The following FGFR2 variants were observed in gnomAD, a reference collection of about 807,000 sequenced individuals.
FGFR2 encodes BEK fibroblast growth factor receptor.
A neutral mutation model predicts 95.9 loss-of-function variants in FGFR2; 19 were observed. That is an observed-to-expected ratio of 0.20 (90% CI 0.14 to 0.29). The LOEUF is 0.29. Among genes scored for constraint, FGFR2 ranks in the 10% least tolerant of loss-of-function variants. FGFR2 has a pLI of 1.00. For missense variants in FGFR2, 707 were observed against 1,056.9 expected (o/e 0.67, Z 4.59); for synonymous variants, 392 against 393.3 (o/e 1.00, Z 0.04).
chr10:121,497,629 T>C (rs958864219), intron 12 of FGFR2, among the ~76,000 whole-genome samples: 1 of 152,208 alleles, frequency 6.6e-6, no homozygotes, highest in African/African-American at 2.4e-5. Context: ...TCTGTACATG[T>C]TCCCTTACAC....
chr10:121,497,535 C>T (rs1038231114), intron 12 of FGFR2, among the ~76,000 whole-genome samples: 2 of 152,208 alleles, frequency 1.3e-5, no homozygotes, highest in African/African-American at 4.8e-5. Context: ...TATAAACACA[C>T]CACACTTTAT....
intron 2 of FGFR2, among the ~76,000 whole-genome samples, chr10:121,570,026 G>T (rs1401849255): frequency 6.6e-6 from 1 of 152,332 alleles, no homozygotes; most frequent in African/African-American, 2.4e-5. Context: ...ATACGCTGGG[G>T]AGGGGCCAAA....
intron 5 of FGFR2, among the ~76,000 whole-genome samples, chr10:121,549,885 C>G (rs1206859095): frequency 6.6e-6 from 1 of 152,186 alleles, no homozygotes; most frequent in Non-Finnish European, 1.5e-5. Flanking sequence ...CCAGCTAAGC[C>G]ACACCTTCAT....
chr10:121,570,132 AG>A (rs1858397754), intron 2 of FGFR2, among the ~76,000 whole-genome samples: 1 of 137,520 alleles, frequency 7.3e-6, no homozygotes, highest in Non-Finnish European at 1.7e-5. Flanking sequence ...AACCCCGGCC[AG>A]GGGGCCAAGA....
chr10:121,483,691 T>C lies in FGFR2; in HGVS notation c.2301+7A>G, dbSNP rs1845050468. The C allele has an allele frequency of 6.2e-7, 1 of 1,608,040 alleles. No individual in the cohort carries two copies. Among genetic ancestry groups the C allele is most frequent in the Admixed American group, 1.7e-5 (1 of 59,964 alleles). On this transcript the variant is annotated splice_region_variant and intron_variant, in intron 17 of 17. Transcript: ENST00000358487. The stretch of plus-strand genomic sequence containing the variant: ...AGGACAAGGGGCTTCTAGAAGGAAG[T>C]TCTTACCTCATTGGTTGTGAGAGTG...
At chr10:121,578,622 T>C (rs1860319268) in intron 2 of FGFR2, among the ~76,000 whole-genome samples, 1 of 152,230 alleles carries the variant, frequency 6.6e-6, no homozygotes, top group Admixed American at 6.5e-5. Flanking sequence ...CCAAAGATGC[T>C]GGGTCAGCTG....
intron 5 of FGFR2, among the ~76,000 whole-genome samples, chr10:121,550,663 G>A (rs1456194016): frequency 3.3e-5 from 5 of 152,010 alleles, no homozygotes; most frequent in Non-Finnish European, 5.9e-5. Context: ...CTATACTGAC[G>A]CTTCTCAAAC....
intron 5 of FGFR2, among the ~76,000 whole-genome samples, chr10:121,549,752 C>T (rs74160623): frequency 2.6e-5 from 4 of 152,276 alleles, no homozygotes; most frequent in African/African-American, 7.2e-5. Context: ...AGGCCCTCTG[C>T]AAGGAAGTGA....
chr10:121,487,759 C>T (rs1845609116), intron 14 of FGFR2, among the ~76,000 whole-genome samples: 1 of 152,156 alleles, frequency 6.6e-6, no homozygotes, highest in Admixed American at 6.6e-5. Context: ...AAAATCCTAG[C>T]GGTTGCTGAT....
chr10:121,553,658 A>G (rs1589963949), intron 4 of FGFR2, among the ~76,000 whole-genome samples: 1 of 152,360 alleles, frequency 6.6e-6, no homozygotes, highest in East Asian at 1.9e-4. Flanking sequence ...TAGCCTATTC[A>G]TATGAATTAG....
Position 121,479,765 on chromosome 10 carries a change from G to A in FGFR2, c.*92C>T, listed in dbSNP as rs1844431848. On this transcript the variant is annotated 3_prime_UTR_variant, in exon 18 of 18. Transcript: ENST00000358487. ...ACTCCTCTGATCCATATATACAAGT[G>A]GAGACAACAAGCTCTGGGAGGCATG... 3 of 1,612,796 alleles carry A rather than the reference G, an allele frequency of 1.9e-6. No individual in the cohort carries two copies. Among genetic ancestry groups the A allele is most frequent in the Non-Finnish European group, 1.7e-6 (2 of 1,179,042 alleles).
At chr10:121,580,269 C>G (rs770810835) in intron 2 of FGFR2, among the ~76,000 whole-genome samples, 2 of 152,158 alleles carry the variant, frequency 1.3e-5, no homozygotes, top group Non-Finnish European at 2.9e-5. Flanking sequence ...TTAAAGGGCT[C>G]GGCCTTTCTT....
intron 4 of FGFR2, among the ~76,000 whole-genome samples, chr10:121,558,814 C>A (rs566365316): frequency 6.6e-6 from 1 of 152,058 alleles, no homozygotes; most frequent in African/African-American, 2.4e-5. Flanking sequence ...GTCTCGAACT[C>A]CTGACCTTGT....
rs1849782264 is a variant in FGFR2, at chr10:121,517,081, A to G, written c.1084+238T>C. ...ATTGGCTCAATGACTCACTAAAAAT[A>G]TGAGATCCCTTCAGGTTTTAAGGGT... On this transcript the variant is annotated intron_variant, in intron 8 of 17. Transcript: ENST00000358487. The surrounding 1 kb of genome is among the most constrained non-coding windows in gnomAD (Gnocchi z 4.7). 4 of 567,332 alleles carry G rather than the reference A, an allele frequency of 7.1e-6. No individual in the cohort carries two copies. In the East Asian group the frequency reaches 9.3e-5, roughly 13 times the overall value. The allele number at this position is 567,332 out of a possible 1,614,324, so 35.1% of individuals were successfully genotyped here.
At chr10:121,551,166 A>G in intron 5 of FGFR2, 124 bp downstream of exon 5, 1 of 1,092,434 alleles carries the variant, frequency 9.2e-7, no homozygotes, top group Non-Finnish European at 1.3e-6. Flanking sequence ...GTTGCAGTGA[A>G]CCGAGATCGC....
chr10:121,481,108 G>A (rs768475583), intron 17 of FGFR2, among the ~76,000 whole-genome samples: 4 of 152,042 alleles, frequency 2.6e-5, no homozygotes, highest in Admixed American at 6.5e-5. Context: ...CCACAGGGCC[G>A]GCAAAGCTGA....
At chr10:121,593,086 G>A (rs1418444249) in intron 2 of FGFR2, among the ~76,000 whole-genome samples, 1 of 152,138 alleles carries the variant, frequency 6.6e-6, no homozygotes, top group Non-Finnish European at 1.5e-5. Context: ...GATACTTGGA[G>A]GTTCTCGGAG....
Position 121,577,178 on chromosome 10 carries a change from T to TATAGAGAGAGAGAG in FGFR2, c.110-11475_110-11474insCTCTCTCTCTCTAT. Reference sequence around the variant, plus strand: ...AAAAAAATATATATATATATATATATAGAGAGAGAGAGAGAGAGAGAGAGA... The same window carrying TATAGAGAGAGAGAG: ...AAAAAAATATATATATATATATATATATAGAGAGAGAGAGAGAGAGAGAGAGAGAGAGAGAGAGA... On this transcript the variant is annotated intron_variant, in intron 2 of 17. Transcript: ENST00000358487. Among the ~76,000 whole-genome samples, 27 of 5,208 alleles carry TATAGAGAGAGAGAG rather than the reference T, an allele frequency of 5.2e-3. 1 individual carries two copies. Among genetic ancestry groups the TATAGAGAGAGAGAG allele is most frequent in the Admixed American group, 0.034 (7 of 208 alleles). 3.4% of individuals were successfully genotyped at this position (5,208 alleles called of 152,430 possible). A position where few individuals can be genotyped will look rare whatever the true frequency, so the allele number is the denominator to read the frequency against.
intron 17 of FGFR2, among the ~76,000 whole-genome samples, chr10:121,481,039 T>A (rs1844603539): frequency 2.0e-5 from 3 of 152,148 alleles, no homozygotes; most frequent in Admixed American, 1.3e-4. Flanking sequence ...CTAGAACACA[T>A]CTATTTACAT....
Sources: allele counts gnomAD v4.1 joint callset (sites outside exome capture counted in the v4.1 genomes callset), GRCh38; gene constraint gnomAD v4.1.1; non-coding constraint Gnocchi (gnomAD v3.1); transcripts MANE v1.5; gene names NCBI Gene and HGNC (gene_info 2026-07-23, HGNC 2026-07-21).